Variants in DDX42 observed in about 807,000 individuals in gnomAD.
The protein encoded by DDX42 is ATP-dependent RNA helicase DDX42.
DDX42 carries 22 observed loss-of-function variants against 101.5 expected under a neutral mutation model. The observed-to-expected ratio is 0.22, with a 90% CI of 0.15 to 0.31. DDX42 has a LOEUF of 0.31. Among genes scored for constraint, DDX42 ranks in the 10% least tolerant of loss-of-function variants. The pLI, the probability that DDX42 is intolerant of heterozygous loss-of-function variation, is 1.00. For synonymous variants in DDX42, 402 were observed against 401.2 expected, an observed-to-expected ratio of 1.00 and a Z score of -0.02; for missense variants, 849 against 1,199.9, an observed-to-expected ratio of 0.71 and a Z score of 4.32.
chr17:63,789,308 A>G (rs1249616404), intron 2 of DDX42, among the ~76,000 whole-genome samples: 1 of 151,610 alleles, frequency 6.6e-6, no homozygotes, highest in Non-Finnish European at 1.5e-5. Context: ...CGAACTCCTG[A>G]CCTCAGGTGA....
chr17:63,794,701 G>A (rs538885796), intron 3 of DDX42, among the ~76,000 whole-genome samples: 65 of 151,890 alleles, frequency 4.3e-4, no homozygotes, highest in Middle Eastern at 3.4e-3. Context: ...CCAGCACTTT[G>A]GGAGGCCGAG....
chr17:63,785,995 C>A (rs1300301033), intron 1 of DDX42, among the ~76,000 whole-genome samples: 1 of 152,168 alleles, frequency 6.6e-6, no homozygotes, highest in African/African-American at 2.4e-5. Context: ...TTTCATATCT[C>A]CAGTGGCCTT....
intron 1 of DDX42, among the ~76,000 whole-genome samples, chr17:63,779,502 C>T (rs1309402413): frequency 6.6e-6 from 1 of 152,118 alleles, no homozygotes; most frequent in African/African-American, 2.4e-5. Flanking sequence ...GAGCTCGAGC[C>T]ATCCTCCTGC....
At chr17:63,789,571 G>GTTTTTTTT (rs538515067) in intron 2 of DDX42, among the ~76,000 whole-genome samples, 2 of 45,684 alleles carry the variant, frequency 4.4e-5, no homozygotes, top group Admixed American at 2.3e-4. Context: ...TTTTGTTTTT[G>GTTTTTTTT]TTTTTTTTTT....
rs548392221 is a variant in DDX42 at position 63,798,380 on chromosome 17, G to T, written c.434+281G>T. ...ATGAATTATAGTAGAGTTTAGGGGA[G>T]CATAATTATTAAAGTTTAGGCTCAT... On this transcript the variant is annotated intron_variant, in intron 4 of 17. Coordinates refer to ENST00000389924, the MANE Select transcript of DDX42 (RefSeq NM_203499.3). Among the ~76,000 whole-genome samples, 3 of 152,294 alleles carry T rather than the reference G, an allele frequency of 2.0e-5. No individual in the cohort carries two copies. The South Asian group carries it at 6.2e-4, about 32-fold the overall frequency.
intron 12 of DDX42, 38 bp from the exon 13 acceptor site, chr17:63,811,035 TATC>T (rs778646836): frequency 2.1e-5 from 32 of 1,558,086 alleles, no homozygotes; most frequent in Non-Finnish European, 2.7e-5. Context: ...TGCATAAAGA[TATC>T]ATATTGTTTC....
chr17:63,816,979 C>G lies in DDX42; in HGVS notation c.2112+13C>G, dbSNP rs374003661. Reference sequence around the variant, plus strand: ...AGCAGCTTTCCAGGTCTGAAATAAGCATTTCATTAAAAGCACTTTCAGCAG... The same window carrying G: ...AGCAGCTTTCCAGGTCTGAAATAAGGATTTCATTAAAAGCACTTTCAGCAG... On this transcript the variant is annotated intron_variant, in intron 17 of 17. Transcript: ENST00000389924. 2.6e-5 allele frequency: 42 copies of G among 1,609,312 alleles called. No individual in the cohort carries two copies. The African/African-American group carries it at 5.2e-4, about 20-fold the overall frequency.
At chr17:63,789,134 A>G (rs1297637237) in intron 2 of DDX42, among the ~76,000 whole-genome samples, 2 of 151,876 alleles carry the variant, frequency 1.3e-5, no homozygotes, top group East Asian at 1.9e-4. Context: ...GCTAGAGTGC[A>G]GTGGCGTGAT....
Position 63,788,836 on chromosome 17 carries a change from A to T in DDX42, c.221+1566A>T, listed in dbSNP as rs1051497003. Reference sequence around the variant, plus strand: ...GAATCTGAAGAAATCTCTTGTTGCTATTATTTCCAAGCTGATTGTGACACT... The same window carrying T: ...GAATCTGAAGAAATCTCTTGTTGCTTTTATTTCCAAGCTGATTGTGACACT... On this transcript the variant is annotated intron_variant, in intron 2 of 17. Transcript: ENST00000389924. 5.3e-5 allele frequency among the ~76,000 whole-genome samples: 8 copies of T among 152,060 alleles called. No homozygotes were observed. The East Asian group carries it at 1.5e-3, about 29-fold the overall frequency.
At chr17:63,789,547 T>TTTTTTG (rs1292801466) in intron 2 of DDX42, among the ~76,000 whole-genome samples, 370 of 18,986 alleles carry the variant, frequency 0.019, 6 homozygotes, top group Non-Finnish European at 0.022. Flanking sequence ...TCTAAAAGAC[T>TTTTTTG]TTTTTGTTTT....
At chr17:63,785,066 A>C (rs375441891) in intron 1 of DDX42, among the ~76,000 whole-genome samples, 1 of 152,342 alleles carries the variant, frequency 6.6e-6, no homozygotes, top group East Asian at 1.9e-4. Context: ...AGTAGCAAAA[A>C]ATAGAACAAA....
rs539995879 is a variant in DDX42 at position 63,791,668 on chromosome 17, A to G, written c.222-744A>G. On this transcript the variant is annotated intron_variant, in intron 2 of 17. Coordinates refer to ENST00000389924, the MANE Select transcript of DDX42 (RefSeq NM_203499.3). ...GTTGGTCCCCAGAAAATAGCCCAGAATTTCTGAGGTTTTTGGTCTTAAAAG... is the reference window on the plus strand; with the variant it reads ...GTTGGTCCCCAGAAAATAGCCCAGAGTTTCTGAGGTTTTTGGTCTTAAAAG... 1.2e-4 allele frequency among the ~76,000 whole-genome samples: 18 copies of G among 152,276 alleles called. No homozygotes were observed. The South Asian group carries it at 3.7e-3, about 32-fold the overall frequency.
chr17:63,808,287 C>T (rs181050076), intron 9 of DDX42, among the ~76,000 whole-genome samples: 29 of 152,304 alleles, frequency 1.9e-4, no homozygotes, highest in African/African-American at 5.3e-4. Flanking sequence ...AAGCAATTCT[C>T]CTGCCTCAGC....
intron 1 of DDX42, among the ~76,000 whole-genome samples, chr17:63,779,814 C>T (rs1025024085): frequency 6.6e-6 from 1 of 151,478 alleles, no homozygotes; most frequent in South Asian, 2.1e-4. Flanking sequence ...AAACTCCTGG[C>T]CTCAAGCCAT....
intron 1 of DDX42, among the ~76,000 whole-genome samples, chr17:63,783,523 A>G (rs2039512672): frequency 6.6e-6 from 1 of 152,032 alleles, no homozygotes; most frequent in South Asian, 2.1e-4. Flanking sequence ...AGATGCTGAA[A>G]TTTTCTTGCT....
Position 63,818,035 on chromosome 17 carries a change from T to A in DDX42, c.2454T>A (p.Arg818=), listed in dbSNP as rs149932295. The A allele has an allele frequency of 3.3e-5, 54 of 1,613,816 alleles. No individual in the cohort carries two copies. In the African/African-American group the frequency reaches 6.0e-4, roughly 18 times the overall value. The change falls in exon 18 of 18, where the codon CGT becomes CGA. Residue 818 remains arginine (R), a synonymous_variant. Coordinates refer to ENST00000389924, the MANE Select transcript of DDX42 (RefSeq NM_203499.3). ...ERYTENRGSS[R]HSHGETGNRH... ...ATACTGAGAACCGGGGCAGCAGCCGTCACAGTCACGGAGAGACTGGCAATC... is the reference window on the plus strand; with the variant it reads ...ATACTGAGAACCGGGGCAGCAGCCGACACAGTCACGGAGAGACTGGCAATC...
At chr17:63,808,330 C>T (rs890652251) in intron 9 of DDX42, among the ~76,000 whole-genome samples, 1 of 152,140 alleles carries the variant, frequency 6.6e-6, no homozygotes, top group African/African-American at 2.4e-5. Context: ...CACGCCACCA[C>T]ACCTGGCTAA....
intron 6 of DDX42, among the ~76,000 whole-genome samples, chr17:63,802,188 G>T (rs2039779020): frequency 6.7e-6 from 1 of 149,630 alleles, no homozygotes; most frequent in Admixed American, 6.7e-5. Flanking sequence ...CAGTTAAAAA[G>T]AAAAAAAAAG....
At chr17:63,808,043 T>C in intron 9 of DDX42, 143 bp downstream of exon 9, 2 of 781,010 alleles carry the variant, frequency 2.6e-6, no homozygotes, top group Non-Finnish European at 3.9e-6. Flanking sequence ...CCATTTTTAA[T>C]GTACAGTTCA....
Sources: gnomAD v4.1 joint callset for allele counts (sites outside exome capture counted in the v4.1 genomes callset) on GRCh38, gnomAD v4.1.1 for gene constraint, MANE v1.5 for transcripts, NCBI Gene and HGNC (gene_info 2026-07-23, HGNC 2026-07-21) for gene names.